The following VPS26A variants were observed in gnomAD, a reference collection of about 807,000 sequenced individuals.
The protein encoded by VPS26A is vacuolar protein sorting-associated protein 26A.
In VPS26A, 22 loss-of-function variants were observed where a neutral mutation model predicts 42.4. The ratio of observed to expected loss-of-function variants is 0.52; its 90% CI spans 0.37 to 0.74. The LOEUF is 0.74. Ranked by LOEUF, VPS26A falls within the 30% of genes least tolerant of loss-of-function variation. VPS26A has a pLI of 0.00. For missense variants in VPS26A, 276 were observed against 379.2 expected (o/e 0.73, Z 2.26); for synonymous variants, 110 against 123.5 (o/e 0.89, Z 0.73).
intron 7 of VPS26A, among the ~76,000 whole-genome samples, chr10:69,167,727 ACCAAGACT>A (rs1051237855): frequency 2.9e-5 from 4 of 137,614 alleles, no homozygotes. Flanking sequence ...TGGGCGACAG[ACCAAGACT>A]CCATCTCAAA....
At chr10:69,166,549 C>A (rs796278671) in intron 7 of VPS26A, among the ~76,000 whole-genome samples, 27 of 152,128 alleles carry the variant, frequency 1.8e-4, no homozygotes, top group African/African-American at 6.0e-4. Flanking sequence ...ACAATGAAGC[C>A]AGTATTTATC....
intron 8 of VPS26A, 60 bp downstream of exon 8, chr10:69,168,691 C>T: frequency 1.3e-6 from 2 of 1,577,872 alleles, no homozygotes; most frequent in South Asian, 1.2e-5. Context: ...ACCTCGAAAG[C>T]ACTCTTCTAA....
At chr10:69,150,379 G>T (rs574817785) in intron 2 of VPS26A, among the ~76,000 whole-genome samples, 1 of 147,120 alleles carries the variant, frequency 6.8e-6, no homozygotes, top group Admixed American at 6.8e-5. Flanking sequence ...TTTGATAATT[G>T]CACTGTGATT....
chr10:69,147,857 C>A (rs1402486054), intron 2 of VPS26A, among the ~76,000 whole-genome samples: 1 of 152,166 alleles, frequency 6.6e-6, no homozygotes, highest in African/African-American at 2.4e-5. Context: ...GGACCACAGG[C>A]ATGTGCCACC....
chr10:69,140,442 A>G (rs1841016677), intron 2 of VPS26A, among the ~76,000 whole-genome samples: 2 of 152,088 alleles, frequency 1.3e-5, no homozygotes, highest in South Asian at 4.1e-4. Flanking sequence ...GCACGATTTC[A>G]GCTCACTGCA....
At chr10:69,159,486 A>G (rs530937701) in intron 5 of VPS26A, among the ~76,000 whole-genome samples, 3 of 152,294 alleles carry the variant, frequency 2.0e-5, no homozygotes, top group Non-Finnish European at 2.9e-5. Context: ...CAGCATGCAT[A>G]GTACTGTTTC....
intron 1 of VPS26A, among the ~76,000 whole-genome samples, chr10:69,131,039 G>A (rs908461972): frequency 2.6e-5 from 4 of 152,084 alleles, no homozygotes; most frequent in Admixed American, 6.5e-5. Flanking sequence ...GGGCTAGAGC[G>A]CAGTGGTGCG....
At chr10:69,127,093 A>ATTTTTTTT (rs71035057) in intron 1 of VPS26A, among the ~76,000 whole-genome samples, 215 of 97,532 alleles carry the variant, frequency 2.2e-3, no homozygotes, top group African/African-American at 6.8e-3. Flanking sequence ...CACCCGGCCA[A>ATTTTTTTT]TTTTTTTTTT....
At position 69,173,216 on chromosome 10, in the gene VPS26A, C is replaced by A. The variant is rs970350011; in HGVS notation, c.*1947C>A. Among the ~76,000 whole-genome samples the A allele has an allele frequency of 2.0e-5, 3 of 152,160 alleles. No homozygotes were observed. Among genetic ancestry groups the A allele is most frequent in the African/African-American group, 7.2e-5 (3 of 41,448 alleles). On this transcript the variant is annotated 3_prime_UTR_variant, in exon 9 of 9. Coordinates refer to ENST00000263559, the MANE Select transcript of VPS26A (RefSeq NM_004896.5). ...TGTCTTTAATGAAGAGTTACAATGT[C>A]TAATCCATTGGTTCTCAACCCTGGC... is the stretch of plus-strand genomic sequence containing the variant.
rs1841827065 is a variant in VPS26A at position 69,172,027 on chromosome 10, G to A, written c.*758G>A. The A allele has an allele frequency of 6.6e-6, 1 of 152,070 alleles. No individual in the cohort carries two copies. Among genetic ancestry groups the A allele is most frequent in the Non-Finnish European group, 1.5e-5 (1 of 68,004 alleles). 9.4% of individuals were successfully genotyped at this position (152,070 alleles called of 1,614,324 possible). A position where few individuals can be genotyped will look rare whatever the true frequency, so the allele number is the denominator to read the frequency against. ...TGTGTGTTTTCTGCAATGTGGAGTT[G>A]ACTTAGCTTGGCATTTTAGATTTGT... On this transcript the variant is annotated 3_prime_UTR_variant, in exon 9 of 9. Transcript: ENST00000263559.
At chr10:69,135,129 T>C (rs1172530211) in intron 2 of VPS26A, among the ~76,000 whole-genome samples, 2 of 152,226 alleles carry the variant, frequency 1.3e-5, no homozygotes, top group Admixed American at 6.5e-5. Flanking sequence ...GTATTTCTTT[T>C]ACAGATATGA....
chr10:69,148,380 T>C (rs370866602), intron 2 of VPS26A, among the ~76,000 whole-genome samples: 1 of 152,220 alleles, frequency 6.6e-6, no homozygotes, highest in East Asian at 1.9e-4. Context: ...GGTTGACTTT[T>C]GTTTAGTCCA....
chr10:69,147,754 C>T (rs1038107565), intron 2 of VPS26A, among the ~76,000 whole-genome samples: 2 of 152,084 alleles, frequency 1.3e-5, no homozygotes, highest in Non-Finnish European at 2.9e-5. Context: ...TGCTCTGTCG[C>T]CAGGCTGGAG....
At chr10:69,134,174 T>C (rs1379023060) in intron 2 of VPS26A, among the ~76,000 whole-genome samples, 2 of 152,364 alleles carry the variant, frequency 1.3e-5, no homozygotes, top group African/African-American at 4.8e-5. Context: ...TTTGGAAATA[T>C]ATATAATCTC....
At chr10:69,164,996 C>T (rs1343887937) in intron 6 of VPS26A, among the ~76,000 whole-genome samples, 2 of 150,526 alleles carry the variant, frequency 1.3e-5, no homozygotes, top group Admixed American at 6.6e-5. Flanking sequence ...GGCGTGATCT[C>T]GGCTCACTGC....
rs180691188 is a variant in VPS26A at position 69,137,127 on chromosome 10, T to C, written c.153+4080T>C. On this transcript the variant is annotated intron_variant, in intron 2 of 8. Transcript: ENST00000263559. ...TAAAAAATAATAACTTGGTTCCTTA[T>C]CTTCCAAAGGTGTAAACTACTAGTT... 7.9e-5 allele frequency among the ~76,000 whole-genome samples: 12 copies of C among 152,314 alleles called. No homozygotes were observed. The East Asian group carries it at 2.1e-3, about 27-fold the overall frequency.
At chr10:69,158,994 C>T (rs1347604065) in intron 5 of VPS26A, among the ~76,000 whole-genome samples, 5 of 152,066 alleles carry the variant, frequency 3.3e-5, no homozygotes, top group Non-Finnish European at 7.4e-5. Flanking sequence ...CTTACATGAA[C>T]AAAAGATTGC....
At chr10:69,148,515 G>A (rs1350386634) in intron 2 of VPS26A, among the ~76,000 whole-genome samples, 3 of 152,124 alleles carry the variant, frequency 2.0e-5, no homozygotes, top group African/African-American at 7.2e-5. Flanking sequence ...GGCAGCAGTT[G>A]GAAACTAATT....
chr10:69,158,058 A>T lies in VPS26A; in HGVS notation c.398A>T (p.Lys133Ile), dbSNP rs1333163304. 1 of 1,599,274 alleles carries T rather than the reference A, an allele frequency of 6.3e-7. No individual in the cohort carries two copies. The highest frequency in any genetic ancestry group is 1.3e-5 in the African/African-American group (1 of 74,106). The change falls in exon 5 of 9, where the codon AAA (lysine) becomes ATA (isoleucine). Residue 133 changes from lysine (K) to isoleucine (I), a missense_variant. By Grantham distance (102) the Lys-to-Ile change is moderately radical. Transcript: ENST00000263559. ...GANVRLRYFL[K>I]VTIVRRLTDL... ...TTTTAACTTTGTAGGTATTTTCTTA[A>T]AGTGACAATAGTGAGAAGACTGACA...
Sources: gnomAD v4.1 joint callset for allele counts (sites outside exome capture counted in the v4.1 genomes callset) on GRCh38, gnomAD v4.1.1 for gene constraint, MANE v1.5 for transcripts, NCBI Gene and HGNC (gene_info 2026-07-23, HGNC 2026-07-21) for gene names.